SNX8: variants seen among roughly 807,000 people sequenced by gnomAD.
SNX8 encodes the protein sorting nexin-8.
SNX8 carries 25 observed loss-of-function variants against 51.6 expected under a neutral mutation model. The ratio of observed to expected loss-of-function variants is 0.48; its 90% confidence interval spans 0.35 to 0.68. The LOEUF (loss-of-function observed/expected upper bound fraction) is 0.68, where lower values mean the gene tolerates loss of function less well. Among genes scored for constraint, SNX8 ranks in the 30% least tolerant of loss-of-function variants. The pLI, the probability that SNX8 is intolerant of heterozygous loss-of-function variation, is 0.00. For synonymous variants in SNX8, 324 were observed against 277.0 expected (o/e 1.17, Z -1.68); for missense variants, 695 against 624.0 (o/e 1.11, Z -1.21).
intron 1 of SNX8, among the ~76,000 whole-genome samples, chr7:2,304,023 C>T (rs2115190881): frequency 6.6e-6 from 1 of 150,428 alleles, no homozygotes; most frequent in Non-Finnish European, 1.5e-5. Flanking sequence ...AAAAATTAGC[C>T]AGGCGTGGTG....
At chr7:2,344,834 C>T (rs1480582718) in intron 1 of SNX8, among the ~76,000 whole-genome samples, 2 of 152,108 alleles carry the variant, frequency 1.3e-5, no homozygotes, top group Admixed American at 6.6e-5. Context: ...CTGAGGCAGG[C>T]GGATCACATG....
chr7:2,291,239 G>A (rs534571798), intron 1 of SNX8, among the ~76,000 whole-genome samples: 1 of 152,222 alleles, frequency 6.6e-6, no homozygotes, highest in South Asian at 2.1e-4. Flanking sequence ...GTTCAAGGCT[G>A]CAGTAAGCTA....
chr7:2,283,511 G>A (rs542508771), intron 1 of SNX8, among the ~76,000 whole-genome samples: 128 of 152,322 alleles, frequency 8.4e-4, no homozygotes, highest in Middle Eastern at 3.4e-3. Context: ...AGGAGACCAC[G>A]AGTGTGGTTC....
chr7:2,323,906 G>C (rs934368026), intron 1 of SNX8, among the ~76,000 whole-genome samples: 1 of 152,002 alleles, frequency 6.6e-6, no homozygotes, highest in African/African-American at 2.4e-5. Flanking sequence ...GATCACCTGA[G>C]ATCAAGAGTT....
chr7:2,338,537 G>A, intron 1 of SNX8, among the ~76,000 whole-genome samples: 1 of 151,976 alleles, frequency 6.6e-6, no homozygotes, highest in Non-Finnish European at 1.5e-5. Context: ...CGGAGACTGA[G>A]GCATAAGAAT....
In SNX8 at chr7:2,321,058, G is replaced by A. The variant is rs144328241; in HGVS notation, c.-66+33164C>T. Among the ~76,000 whole-genome samples, 260 of 152,216 alleles carry A rather than the reference G, an allele frequency of 1.7e-3. 2 individuals are homozygous for A. In the East Asian group the frequency reaches 0.019, roughly 11 times the overall value. ...GTAAAATAAAAATAAAAACAAAAAC[G>A]AAATGTGTGTAGCCGGTGGGAGGCA... On this transcript the variant is annotated intron_variant, in intron 1 of 5. Transcript: ENST00000435336.
intron 1 of SNX8, among the ~76,000 whole-genome samples, chr7:2,283,155 C>A (rs1305321867): frequency 6.6e-6 from 1 of 152,196 alleles, no homozygotes; most frequent in South Asian, 2.1e-4. Flanking sequence ...ACAGGATTTA[C>A]CGACAAACCC....
Position 2,323,949 on chromosome 7 carries a change from G to A in SNX8, c.-66+30273C>T, listed in dbSNP as rs368235713. ...AGCCTAGCCAACATGGTAAAACCCC[G>A]TCTCTACTAAAAATACAAAAATAAG... On this transcript the variant is annotated intron_variant, in intron 1 of 5. Transcript: ENST00000435336. Among the ~76,000 whole-genome samples, 11 of 151,884 alleles carry A rather than the reference G, an allele frequency of 7.2e-5. No homozygotes were observed. The East Asian group carries it at 9.7e-4, about 13-fold the overall frequency.
chr7:2,331,056 G>A (rs1455426662), intron 1 of SNX8, among the ~76,000 whole-genome samples: 1 of 151,640 alleles, frequency 6.6e-6, no homozygotes, highest in Non-Finnish European at 1.5e-5. Context: ...CATGGTGGCA[G>A]GCACCTGTAA....
intron 1 of SNX8, among the ~76,000 whole-genome samples, chr7:2,301,347 A>G (rs1234337829): frequency 6.6e-6 from 1 of 152,202 alleles, no homozygotes; most frequent in Non-Finnish European, 1.5e-5. Context: ...GCATATGAAT[A>G]CAAGGCAGGC....
In SNX8 at chr7:2,304,497, TTG is replaced by T. The variant is rs879279668; in HGVS notation, c.94+9829_94+9830del. Among the ~76,000 whole-genome samples, 360 of 150,308 alleles carry T rather than the reference TTG, an allele frequency of 2.4e-3. 2 individuals carry two copies. The highest frequency in any genetic ancestry group is 3.5e-3 in the Middle Eastern group (1 of 286). On this transcript the variant is annotated intron_variant, in intron 1 of 10. Coordinates refer to ENST00000222990, the MANE Select transcript of SNX8 (RefSeq NM_013321.4). ...AGGCGGAGCTTGCAGCGAGCGGAGATTGCCCCACTGTACTCCAGCCTGGGCGA... is the reference window on the plus strand; with the variant it reads ...AGGCGGAGCTTGCAGCGAGCGGAGATCCCCACTGTACTCCAGCCTGGGCGA...
intron 4 of SNX8, among the ~76,000 whole-genome samples, chr7:2,270,757 G>T (rs186647188): frequency 7.2e-4 from 109 of 152,322 alleles, no homozygotes; most frequent in African/African-American, 2.4e-3. Flanking sequence ...CTCTGCCTCC[G>T]AGAGGAACGA....
chr7:2,346,049 CTGCCT>C (rs915596984), intron 1 of SNX8, among the ~76,000 whole-genome samples: 5 of 152,164 alleles, frequency 3.3e-5, no homozygotes, highest in Non-Finnish European at 5.9e-5. Flanking sequence ...CTCAAGTGAT[CTGCCT>C]GCTCAGCCTC....
At chr7:2,296,929 T>C (rs1261663657) in intron 1 of SNX8, among the ~76,000 whole-genome samples, 1 of 151,436 alleles carries the variant, frequency 6.6e-6, no homozygotes, top group Non-Finnish European at 1.5e-5. Flanking sequence ...AGACTCTGTC[T>C]CAAAAAAGAA....
intron 1 of SNX8, among the ~76,000 whole-genome samples, chr7:2,302,399 C>G (rs993230798): frequency 6.6e-6 from 1 of 152,270 alleles, no homozygotes. Context: ...CTAGTTCACT[C>G]AGTGCTCAAT....
chr7:2,267,981 AG>A (rs1795516204), intron 5 of SNX8, among the ~76,000 whole-genome samples: 1 of 145,280 alleles, frequency 6.9e-6, no homozygotes, highest in African/African-American at 2.6e-5. Context: ...CTGGGATGTG[AG>A]GAGCGCCTCT....
rs1206950487 is a variant in SNX8 at position 2,282,203 on chromosome 7, C to T, written c.95-3898G>A. 2.0e-5 allele frequency among the ~76,000 whole-genome samples: 3 copies of T among 152,304 alleles called. No individual in the cohort carries two copies. The East Asian group carries it at 5.8e-4, about 29-fold the overall frequency. On this transcript the variant is annotated intron_variant, in intron 1 of 10. Transcript: ENST00000222990. ...AATCCGAAAAGATTCTGCAGATCTA[C>T]CCACTAAAACTCAGAATGCATTCCC...
At chr7:2,311,701 G>A (rs1240862768) in intron 1 of SNX8, among the ~76,000 whole-genome samples, 3 of 152,068 alleles carry the variant, frequency 2.0e-5, no homozygotes, top group African/African-American at 7.2e-5. Context: ...ACTTTGGGAG[G>A]CCGAGGCGGC....
chr7:2,275,808 C>T (rs1284565672), intron 2 of SNX8, among the ~76,000 whole-genome samples: 1 of 151,662 alleles, frequency 6.6e-6, no homozygotes, highest in African/African-American at 2.4e-5. Flanking sequence ...ACCATCCTGG[C>T]CAACACGGTG....
Sources: gnomAD v4.1 joint callset for allele counts (sites outside exome capture counted in the v4.1 genomes callset) on GRCh38, gnomAD v4.1.1 for gene constraint, MANE v1.5 for transcripts, NCBI Gene and HGNC (gene_info 2026-07-23, HGNC 2026-07-21) for gene names.